Variants in PARG observed in about 807,000 individuals in gnomAD.
The protein encoded by PARG is poly(ADP-ribose) glycohydrolase.
A neutral mutation model predicts 113.0 loss-of-function variants in PARG; 35 were observed. The observed-to-expected ratio is 0.31, with a 90% CI of 0.24 to 0.41. The LOEUF (loss-of-function observed/expected upper bound fraction) is 0.41. PARG is among the 10% of genes least tolerant of loss of function. PARG has a pLI of 1.00. For missense variants in PARG, 797 were observed against 1,169.4 expected (o/e 0.68, Z 4.64); for synonymous variants, 330 against 409.9 (o/e 0.81, Z 2.36).
chr10:49,828,919 T>A (rs1291498604), intron 16 of PARG, among the ~76,000 whole-genome samples: 2 of 152,154 alleles, frequency 1.3e-5, no homozygotes, highest in African/African-American at 4.8e-5. Flanking sequence ...AAAACTCATG[T>A]ACAATTAAGT....
At chr10:49,834,734 G>A (rs1488933891) in intron 15 of PARG, among the ~76,000 whole-genome samples, 1 of 151,966 alleles carries the variant, frequency 6.6e-6, no homozygotes, top group Non-Finnish European at 1.5e-5. Flanking sequence ...CACCTACTTG[G>A]GAGGCTGAGG....
intron 7 of PARG, among the ~76,000 whole-genome samples, chr10:49,887,931 CTTTCT>C (rs1317271558): frequency 1.6e-4 from 25 of 152,096 alleles, no homozygotes; most frequent in Non-Finnish European, 3.2e-4. Flanking sequence ...ATTTCATTTT[CTTTCT>C]TTTATCTGTT....
chr10:49,888,845 A>G (rs1164686122), intron 7 of PARG, among the ~76,000 whole-genome samples: 1 of 152,016 alleles, frequency 6.6e-6, no homozygotes, highest in African/African-American at 2.4e-5. Context: ...TTCTGTCCAC[A>G]CAAAGACACA....
At position 49,941,681 on chromosome 10, in the gene PARG, G is replaced by C; in HGVS notation, c.45C>G (p.Arg15=). Reference sequence around the variant, plus strand: ...CCGGCGAAGTTGTAGCGGCGCCCCAGCGGGGTCGCTTGGTGCAGGGTTCAC... The same window carrying C: ...CCGGCGAAGTTGTAGCGGCGCCCCACCGGGGTCGCTTGGTGCAGGGTTCAC... ...PGCEPCTKRP[R]WGAATTSPAA... is the part of the protein sequence containing the mutation. Residue 15 remains arginine (R), a synonymous_variant, in exon 1 of 18, where the codon CGC becomes CGG. Coordinates refer to ENST00000616448, the MANE Select transcript of PARG (RefSeq NM_003631.5). 1 of 1,594,358 alleles carries C rather than the reference G, an allele frequency of 6.3e-7. No individual in the cohort carries two copies.
At chr10:49,905,050 T>A (rs1180765496) in intron 7 of PARG, among the ~76,000 whole-genome samples, 1 of 152,214 alleles carries the variant, frequency 6.6e-6, no homozygotes, top group Non-Finnish European at 1.5e-5. Flanking sequence ...AACAGTGACA[T>A]ATGTATCCTA....
chr10:49,869,481 T>C lies in PARG; in HGVS notation c.2063A>G (p.Glu688Gly), dbSNP rs1554837498. ...TAAGAATGAAAGGAATTTACTTTTC[T>C]CTGTGACTCTTCTAAAGTAGCAGAA... ...TLFCYFRRVT[E>G]KKPTGLVTFT... is the part of the protein sequence containing the mutation. The change falls in exon 10 of 18, where the codon GAG becomes GGG. Residue 688 changes from glutamate to glycine, a missense_variant. Around this residue, in one of 5 missense-constraint regions of PARG, gnomAD observed 40 missense variants for 124.5 expected, o/e 0.32. Transcript: ENST00000616448. 1 of 792,778 alleles carries C rather than the reference T, an allele frequency of 1.3e-6. No homozygotes were observed. Among genetic ancestry groups the C allele is most frequent in the African/African-American group, 1.7e-5 (1 of 58,364 alleles). The allele number at this position is 792,778 out of a possible 1,614,324, so 49.1% of individuals were successfully genotyped here.
At chr10:49,916,828 CT>C (rs1292380229) in intron 6 of PARG, among the ~76,000 whole-genome samples, 1 of 152,140 alleles carries the variant, frequency 6.6e-6, no homozygotes, top group East Asian at 1.9e-4. Context: ...TTATAAATGA[CT>C]ATTTATATTG....
At chr10:49,834,263 T>A (rs1256789358) in intron 15 of PARG, among the ~76,000 whole-genome samples, 1 of 152,184 alleles carries the variant, frequency 6.6e-6, no homozygotes, top group Non-Finnish European at 1.5e-5. Flanking sequence ...TCTGGAAGAA[T>A]AAACATAACT....
At chr10:49,903,919 T>C (rs1848456487) in intron 7 of PARG, among the ~76,000 whole-genome samples, 1 of 152,196 alleles carries the variant, frequency 6.6e-6, no homozygotes, top group African/African-American at 2.4e-5. Flanking sequence ...GATAGCTCAC[T>C]GTGTGTAAGC....
At chr10:49,925,709 A>G (rs1325511155) in intron 4 of PARG, among the ~76,000 whole-genome samples, 1 of 152,252 alleles carries the variant, frequency 6.6e-6, no homozygotes, top group African/African-American at 2.4e-5. Flanking sequence ...CAGCTTCGTA[A>G]AAACATCTAC....
intron 1 of PARG, among the ~76,000 whole-genome samples, chr10:49,939,745 C>T (rs1341980342): frequency 9.8e-4 from 150 of 152,354 alleles, no homozygotes; most frequent in Non-Finnish European, 1.9e-3. Context: ...CTTATTTCCT[C>T]TGCATGTATA....
chr10:49,844,447 G>A (rs1383269086), intron 13 of PARG, among the ~76,000 whole-genome samples: 4 of 151,850 alleles, frequency 2.6e-5, no homozygotes, highest in Non-Finnish European at 5.9e-5. Flanking sequence ...ACATGGTGAA[G>A]CTCCGTCTCT....
In PARG at chr10:49,819,149, G is replaced by A; in HGVS notation, c.*191C>T. Reference sequence around the variant, plus strand: ...AAACAAAACATATCTAAGTCCACGTGAGTCAGGATGGAGGGAGTTTAGATG... The same window carrying A: ...AAACAAAACATATCTAAGTCCACGTAAGTCAGGATGGAGGGAGTTTAGATG... On this transcript the variant is annotated 3_prime_UTR_variant, in exon 18 of 18. Transcript: ENST00000616448. The A allele has an allele frequency of 2.1e-6, 1 of 474,964 alleles. No individual in the cohort carries two copies. The highest frequency in any genetic ancestry group is 3.8e-6 in the Non-Finnish European group (1 of 265,490). The allele number at this position is 474,964 out of a possible 1,614,324, so 29.4% of individuals were successfully genotyped here. A position where few individuals can be genotyped will look rare whatever the true frequency, so the allele number is the denominator to read the frequency against.
chr10:49,869,025 A>G (rs1431395024), intron 10 of PARG, among the ~76,000 whole-genome samples: 1 of 151,744 alleles, frequency 6.6e-6, no homozygotes, highest in Non-Finnish European at 1.5e-5. Flanking sequence ...TGGAGATATA[A>G]AACTCAGTAC....
chr10:49,939,833 C>G (rs1221665015), intron 1 of PARG, among the ~76,000 whole-genome samples: 14 of 152,230 alleles, frequency 9.2e-5, no homozygotes, highest in Admixed American at 6.5e-4. Context: ...GGTACTGCCC[C>G]TAAGTATGAA....
intron 7 of PARG, among the ~76,000 whole-genome samples, chr10:49,903,001 A>G (rs575825676): frequency 1.1e-3 from 172 of 151,954 alleles, no homozygotes; most frequent in African/African-American, 4.1e-3. Flanking sequence ...CTAATTTTTT[A>G]TTTTTAGTAG....
intron 7 of PARG, among the ~76,000 whole-genome samples, chr10:49,899,223 C>A (rs555575548): frequency 6.6e-6 from 1 of 152,262 alleles, no homozygotes; most frequent in African/African-American, 2.4e-5. Context: ...TCTAAGTTTT[C>A]CCAAGTCTAA....
chr10:49,934,747 G>C (rs2132984169), intron 2 of PARG, among the ~76,000 whole-genome samples: 1 of 152,074 alleles, frequency 6.6e-6, no homozygotes, highest in African/African-American at 2.4e-5. Context: ...TACTTGGGAG[G>C]CTGAGGCAGG....
In PARG at chr10:49,836,307, CTTTTTTTTTTTTTT is replaced by C. The variant is rs1168567519; in HGVS notation, c.2542-3413_2542-3400del. Among the ~76,000 whole-genome samples the C allele has an allele frequency of 5.6e-3, 271 of 48,014 alleles. 1 individual carries two copies. The highest frequency in any genetic ancestry group is 7.1e-3 in the Non-Finnish European group (197 of 27,660). The allele number at this position is 48,014 out of a possible 152,430, so 31.5% of individuals were successfully genotyped here. ...TTTAGTATTCTCTGATTTCTTACGA[CTTTTTTTTTTTTTT>C]TTTTTTTTTTTTTTTAGCCCAGGCT... is the stretch of plus-strand genomic sequence containing the variant. On this transcript the variant is annotated intron_variant, in intron 15 of 17. Transcript: ENST00000616448.
Sources: allele counts gnomAD v4.1 joint callset (sites outside exome capture counted in the v4.1 genomes callset), GRCh38; gene constraint gnomAD v4.1.1; regional missense constraint gnomAD v4.1.1; transcripts MANE v1.5; gene names NCBI Gene and HGNC (gene_info 2026-07-23, HGNC 2026-07-21).